The following SLC6A19 variants were observed in gnomAD, a reference collection of about 807,000 sequenced individuals.
The protein encoded by SLC6A19 is sodium-dependent neutral amino acid transporter B(0)AT1.
SLC6A19 carries 67 observed loss-of-function variants against 68.3 expected under a neutral mutation model. That is an observed-to-expected ratio of 0.98 (90% CI 0.81 to 1.20). SLC6A19 has a LOEUF of 1.20. SLC6A19 is among the 50% of genes most tolerant of loss of function. The pLI is 0.00. For synonymous variants in SLC6A19, 392 were observed against 374.9 expected (o/e 1.05, Z -0.53); for missense variants, 813 against 851.6 (o/e 0.95, Z 0.56).
intron 3 of SLC6A19, among the ~76,000 whole-genome samples, chr5:1,211,769 ATGCATGTGCG>A (rs1348236538): frequency 2.0e-5 from 3 of 150,086 alleles, no homozygotes; most frequent in Non-Finnish European, 3.0e-5. Context: ...GTGTGTGTAC[ATGCATGTGCG>A]TGCATGTGAG....
chr5:1,221,733 C>T lies in SLC6A19; in HGVS notation c.1734C>T (p.Tyr578=), dbSNP rs924847251. The T allele has an allele frequency of 6.2e-7, 1 of 1,614,076 alleles. No homozygotes were observed. Residue 578 remains tyrosine (Y), a synonymous_variant, in exon 12 of 12, where the codon TAC becomes TAT. Coordinates refer to ENST00000304460, the MANE Select transcript of SLC6A19 (RefSeq NM_001003841.3). ...EEFPKSQKIS[Y]PNWVYVVVVI... is the part of the protein sequence containing the mutation. Reference sequence around the variant, plus strand: ...TTCCCAAATCCCAGAAGATCTCCTACCCGAACTGGGTGTATGTGGTGGTGG... The same window carrying T: ...TTCCCAAATCCCAGAAGATCTCCTATCCGAACTGGGTGTATGTGGTGGTGG...
At chr5:1,207,395 G>A (rs368757704) in intron 1 of SLC6A19, among the ~76,000 whole-genome samples, 7 of 152,232 alleles carry the variant, frequency 4.6e-5, no homozygotes, top group East Asian at 1.9e-4. Context: ...TTGGCCGGGC[G>A]AGTGGAGTTC....
chr5:1,206,180 G>C (rs1745845459), intron 1 of SLC6A19, among the ~76,000 whole-genome samples: 1 of 152,190 alleles, frequency 6.6e-6, no homozygotes, highest in African/African-American at 2.4e-5. Flanking sequence ...AGAGAGGCTG[G>C]CAGGGGCCAA....
At chr5:1,210,215 T>A (rs376967389) in intron 2 of SLC6A19, among the ~76,000 whole-genome samples, 1 of 65,720 alleles carries the variant, frequency 1.5e-5, no homozygotes, top group South Asian at 5.1e-4. Context: ...GGAAGGCGTG[T>A]GCAGGGCAGG....
rs199795977 is a variant in SLC6A19, at chr5:1,216,655, G to A, written c.985G>A (p.Ala329Thr). Residue 329 changes from alanine (A) to threonine (T), a missense_variant, in exon 7 of 12, where the codon GCC becomes ACC. Transcript: ENST00000304460. ...IVVYSVIGFR[A>T]TQRYDDCFST... ...GGTCTACTCCGTCATTGGGTTCCGC[G>A]CCACACAGCGCTACGACGACTGCTT... 40 of 1,613,940 alleles carry A rather than the reference G, an allele frequency of 2.5e-5. No individual in the cohort carries two copies. Among genetic ancestry groups the A allele is most frequent in the South Asian group, 6.6e-5 (6 of 91,086 alleles).
Position 1,221,141 on chromosome 5 carries a change from G to A in SLC6A19, c.1539-10G>A. On this transcript the variant is annotated splice_polypyrimidine_tract_variant and intron_variant, in intron 10 of 11. Transcript: ENST00000304460. The stretch of plus-strand genomic sequence containing the variant: ...GTAGCAGCAGTGACAGCTGTCTCTG[G>A]CCTTGGCAGGTTCAATAAGGACATC... 6.2e-7 allele frequency: 1 copy of A among 1,612,928 alleles called. No homozygotes were observed. Among genetic ancestry groups the A allele is most frequent in the Non-Finnish European group, 8.5e-7 (1 of 1,179,574 alleles).
Position 1,201,823 on chromosome 5 carries a change from TC to T in SLC6A19, c.177del (p.Tyr60ThrfsTer12). ...GTGGGCCTCGGCAACGTGTGGCGCT[TC>T]CCCTACCTGTGTCAGAGCCACGGAG... ...FCVGLGNVWR[F>X]PYLCQSHGGG... On this transcript the variant is annotated frameshift_variant, in exon 1 of 12. Coordinates refer to ENST00000304460, the MANE Select transcript of SLC6A19 (RefSeq NM_001003841.3). LOFTEE classifies it high-confidence loss of function. 6.2e-7 allele frequency: 1 copy of T among 1,611,950 alleles called. No individual in the cohort carries two copies.
intron 1 of SLC6A19, among the ~76,000 whole-genome samples, chr5:1,207,645 T>C (rs971317238): frequency 2.0e-5 from 3 of 152,238 alleles, no homozygotes; most frequent in African/African-American, 4.8e-5. Flanking sequence ...CCTCTCAGGA[T>C]CAGCACATCC....
intron 2 of SLC6A19, among the ~76,000 whole-genome samples, chr5:1,210,202 C>G (rs1473164959): frequency 6.6e-6 from 1 of 152,166 alleles, no homozygotes. Flanking sequence ...AAGGTGTGAG[C>G]CGGGAAGGCG....
Position 1,209,793 on chromosome 5 carries a change from CCT to C in SLC6A19, c.344-650_344-649del, listed in dbSNP as rs1173062861. Among the ~76,000 whole-genome samples the C allele has an allele frequency of 4.6e-5, 7 of 152,170 alleles. No individual in the cohort carries two copies. The highest frequency in any genetic ancestry group is 4.4e-5 in the Non-Finnish European group (3 of 68,008). ...CTCTTCCCCTATCTCCGTCTCTCCC[CCT>C]GTCTCTCTTCCCCATCTCACACTCA... On this transcript the variant is annotated intron_variant, in intron 2 of 11. Coordinates refer to ENST00000304460, the MANE Select transcript of SLC6A19 (RefSeq NM_001003841.3). This position sits in a 1 kb window ranked among gnomAD's most constrained non-coding sequence, Gnocchi z 5.5.
chr5:1,206,344 C>T (rs1308666699), intron 1 of SLC6A19, among the ~76,000 whole-genome samples: 2 of 151,006 alleles, frequency 1.3e-5, no homozygotes, highest in Non-Finnish European at 2.9e-5. Flanking sequence ...GTCTCCATCT[C>T]CCCCTCTGTG....
intron 8 of SLC6A19, among the ~76,000 whole-genome samples, chr5:1,217,908 C>A (rs1335621269): frequency 6.6e-6 from 1 of 152,200 alleles, no homozygotes; most frequent in Non-Finnish European, 1.5e-5. Context: ...TTTCTAGAAA[C>A]GCCACAGAAA....
In SLC6A19 at chr5:1,201,806, C is replaced by T. The variant is rs146382764; in HGVS notation, c.156C>T (p.Leu52=). ...MLTCLGFCVG[L]GNVWRFPYLC... The stretch of plus-strand genomic sequence containing the variant: ...CCTGCCTGGGCTTCTGCGTGGGCCT[C>T]GGCAACGTGTGGCGCTTCCCCTACC... The change falls in exon 1 of 12, where the codon CTC becomes CTT. Residue 52 remains leucine (L), a synonymous_variant. Transcript: ENST00000304460. 4.1e-4 allele frequency: 659 copies of T among 1,612,462 alleles called. 3 individuals carry two copies. Among genetic ancestry groups the T allele is most frequent in the African/African-American group, 3.9e-3 (295 of 75,058 alleles).
rs1171955575 is a variant in SLC6A19, at chr5:1,219,226, G to A, written c.1378+119G>A. On this transcript the variant is annotated intron_variant, in intron 9 of 11. Coordinates refer to ENST00000304460, the MANE Select transcript of SLC6A19 (RefSeq NM_001003841.3). ...CGTGCAGCCCCCGGGCGTGTGAACA[G>A]CTCTGTCCCCGGCCGTGCGTGCAGC... is the stretch of plus-strand genomic sequence containing the variant. The A allele has an allele frequency of 2.9e-6, 3 of 1,020,568 alleles. No homozygotes were observed. In the African/African-American group the frequency reaches 4.8e-5, roughly 16 times the overall value. The allele number at this position is 1,020,568 out of a possible 1,614,324, so 63.2% of individuals were successfully genotyped here. A position where few individuals can be genotyped will look rare whatever the true frequency, so the allele number is the denominator to read the frequency against.
Position 1,218,933 on chromosome 5 carries a change from G to T in SLC6A19, c.1204G>T (p.Val402Phe). 1 of 1,613,942 alleles carries T rather than the reference G, an allele frequency of 6.2e-7. No homozygotes were observed. The highest frequency in any genetic ancestry group is 8.5e-7 in the Non-Finnish European group (1 of 1,180,018). The change falls in exon 9 of 12, where the codon GTC (valine) becomes TTC (phenylalanine). Residue 402 changes from valine to phenylalanine, a missense_variant. Transcript: ENST00000304460. The part of the protein sequence containing the change: ...AVEGTGLAFI[V>F]FTEAITKMPL... ...GGAGGGCACAGGCCTGGCCTTCATC[G>T]TCTTCACCGAGGCCATCACCAAGAT...
At chr5:1,221,422 CAT>C (rs1390850831) in intron 11 of SLC6A19, 109 bp downstream of exon 11, 30 of 1,351,760 alleles carry the variant, frequency 2.2e-5, no homozygotes, top group South Asian at 4.9e-5. Context: ...CACCCACACA[CAT>C]GGGCACACAC....
At position 1,201,686 on chromosome 5, in the gene SLC6A19, C is replaced by T. The variant is rs377331317; in HGVS notation, c.36C>T (p.Asp12=). The T allele has an allele frequency of 5.5e-5, 88 of 1,610,114 alleles. No homozygotes were observed. The highest frequency in any genetic ancestry group is 2.2e-4 in the South Asian group (20 of 91,020). Reference sequence around the variant, plus strand: ...TCGTGCTGCCCAACCCCGGCCTAGACGCCCGGATCCCGTCCCTGGCTGAGC... The same window carrying T: ...TCGTGCTGCCCAACCCCGGCCTAGATGCCCGGATCCCGTCCCTGGCTGAGC... ...VRLVLPNPGL[D]ARIPSLAELE... The change falls in exon 1 of 12, where the codon GAC becomes GAT. Residue 12 remains aspartate (D), a synonymous_variant. Transcript: ENST00000304460.
Position 1,212,393 on chromosome 5 carries a change from GC to G in SLC6A19, c.573del (p.Ser192ProfsTer43). The G allele has an allele frequency of 6.2e-7, 1 of 1,613,174 alleles. No homozygotes were observed. Among genetic ancestry groups the G allele is most frequent in the Non-Finnish European group, 8.5e-7 (1 of 1,179,938 alleles). ...ATCTCCACGTCCATCAGCGACTCGGGCTCCATCCAGTGGTGGATGCTGCTGT... is the reference window on the plus strand; with the variant it reads ...ATCTCCACGTCCATCAGCGACTCGGGTCCATCCAGTGGTGGATGCTGCTGT... Reference protein sequence around the residue: ...LNISTSISDSGSIQWWMLLCL... With the variant: ...LNISTSISDSXSIQWWMLLCL... On this transcript the variant is annotated frameshift_variant, in exon 4 of 12. Coordinates refer to ENST00000304460, the MANE Select transcript of SLC6A19 (RefSeq NM_001003841.3). LOFTEE classifies it high-confidence loss of function. The surrounding 1 kb of genome is among the most constrained non-coding windows in gnomAD (Gnocchi z 5.1).
intron 8 of SLC6A19, 133 bp downstream of exon 8, chr5:1,217,078 G>C (rs1746231869): frequency 5.7e-6 from 8 of 1,413,364 alleles, no homozygotes; most frequent in Admixed American, 1.9e-5. Context: ...AGCTCCCACT[G>C]TCTGCTCTGC....
Sources: allele counts gnomAD v4.1 joint callset (sites outside exome capture counted in the v4.1 genomes callset), GRCh38; gene constraint gnomAD v4.1.1; non-coding constraint Gnocchi (gnomAD v3.1); transcripts MANE v1.5; gene names NCBI Gene and HGNC (gene_info 2026-07-23, HGNC 2026-07-21).